Variants in DNAH9 observed in about 807,000 individuals in gnomAD.
The protein encoded by DNAH9 is dynein axonemal heavy chain 9, also known as DNAH9 variant protein.
DNAH9 carries 345 observed loss-of-function variants against 471.6 expected under a neutral mutation model. The ratio of observed to expected loss-of-function variants is 0.73; its 90% CI spans 0.67 to 0.80. The LOEUF (loss-of-function observed/expected upper bound fraction) is 0.80, where lower values mean the gene tolerates loss of function less well. DNAH9 is among the 30% of genes least tolerant of loss of function. The pLI is 0.00. For synonymous variants in DNAH9, 2,093 were observed against 2,123.6 expected (o/e 0.99, Z 0.40); for missense variants, 5,407 against 5,609.2 (o/e 0.96, Z 1.15).
chr17:11,622,011 G>A (rs1320505053), intron 6 of DNAH9, among the ~76,000 whole-genome samples: 1 of 151,960 alleles, frequency 6.6e-6, no homozygotes, highest in African/African-American at 2.4e-5. Context: ...ACTTGAACCC[G>A]GGAGGCAGAG....
intron 19 of DNAH9, among the ~76,000 whole-genome samples, chr17:11,682,210 C>T (rs1292437795): frequency 2.6e-5 from 4 of 151,948 alleles, no homozygotes; most frequent in African/African-American, 9.7e-5. Flanking sequence ...TGTCTCTTAA[C>T]ATACTCATCT....
intron 45 of DNAH9, among the ~76,000 whole-genome samples, chr17:11,818,110 C>G (rs1023019816): frequency 1.3e-5 from 2 of 152,198 alleles, no homozygotes; most frequent in Non-Finnish European, 2.9e-5. Context: ...AGACCACTCA[C>G]TTTGAGGACC....
intron 61 of DNAH9, among the ~76,000 whole-genome samples, chr17:11,910,305 T>C (rs962619650): frequency 3.3e-5 from 5 of 152,276 alleles, no homozygotes; most frequent in African/African-American, 7.2e-5. Context: ...TGAAATCATA[T>C]ACAATATGCT....
chr17:11,740,223 A>C (rs762109846), intron 29 of DNAH9, among the ~76,000 whole-genome samples: 1 of 152,208 alleles, frequency 6.6e-6, no homozygotes, highest in African/African-American at 2.4e-5. Context: ...GTAGGTGATC[A>C]CCCAGATAAG....
intron 22 of DNAH9, among the ~76,000 whole-genome samples, chr17:11,697,685 A>G (rs1041893199): frequency 2.0e-5 from 3 of 152,134 alleles, no homozygotes; most frequent in African/African-American, 7.2e-5. Context: ...CACTTTATAC[A>G]TGCTATATAC....
At chr17:11,880,279 T>G (rs936172429) in intron 54 of DNAH9, 79 bp downstream of exon 54, 4 of 1,543,002 alleles carry the variant, frequency 2.6e-6, no homozygotes, top group Non-Finnish European at 3.5e-6. Flanking sequence ...AGGTCTGCTC[T>G]TCCTAGAATT....
intron 27 of DNAH9, among the ~76,000 whole-genome samples, chr17:11,723,729 A>T (rs1430002114): frequency 6.6e-6 from 1 of 151,598 alleles, no homozygotes; most frequent in Non-Finnish European, 1.5e-5. Context: ...GTGCAGTGGC[A>T]CGATCTCAGC....
intron 67 of DNAH9, among the ~76,000 whole-genome samples, chr17:11,950,056 T>C (rs1175656401): frequency 1.3e-5 from 2 of 152,230 alleles, no homozygotes; most frequent in African/African-American, 4.8e-5. Flanking sequence ...ATTGCATATA[T>C]TTTTAAATTT....
intron 1 of DNAH9, among the ~76,000 whole-genome samples, chr17:11,606,407 G>T (rs568047586): frequency 4.2e-4 from 63 of 151,216 alleles, no homozygotes; most frequent in African/African-American, 1.5e-3. Context: ...CAAAGATTCC[G>T]GGTGAGTTTA....
intron 67 of DNAH9, among the ~76,000 whole-genome samples, chr17:11,950,940 C>T (rs969018021): frequency 2.0e-5 from 3 of 152,100 alleles, no homozygotes; most frequent in East Asian, 1.9e-4. Context: ...TCCAGTGTAC[C>T]GCCAGCAGTC....
At chr17:11,841,293 C>T (rs1177488610) in intron 49 of DNAH9, among the ~76,000 whole-genome samples, 1 of 152,062 alleles carries the variant, frequency 6.6e-6, no homozygotes, top group South Asian at 2.1e-4. Context: ...CACAGAGCCA[C>T]GAGAAAAATG....
intron 36 of DNAH9, among the ~76,000 whole-genome samples, chr17:11,766,269 C>T (rs528046434): frequency 6.7e-6 from 1 of 148,818 alleles, no homozygotes; most frequent in East Asian, 2.0e-4. Context: ...AGCAGAAATA[C>T]AAAATGGAGG....
At chr17:11,682,425 T>G (rs2074150730) in intron 19 of DNAH9, among the ~76,000 whole-genome samples, 1 of 151,992 alleles carries the variant, frequency 6.6e-6, no homozygotes, top group African/African-American at 2.4e-5. Flanking sequence ...GCACCTGTGT[T>G]CTGGGCAAAC....
intron 61 of DNAH9, among the ~76,000 whole-genome samples, chr17:11,907,737 G>A (rs370703308): frequency 2.0e-5 from 3 of 152,154 alleles, no homozygotes; most frequent in South Asian, 2.1e-4. Flanking sequence ...CCTAAAGAAC[G>A]AATAAGATGT....
At position 11,821,908 on chromosome 17, in the gene DNAH9, AT is replaced by A; in HGVS notation, c.8708-6del. 1 of 1,604,718 alleles carries A rather than the reference AT, an allele frequency of 6.2e-7. No individual in the cohort carries two copies. Among genetic ancestry groups the A allele is most frequent in the African/African-American group, 1.3e-5 (1 of 74,366 alleles). ...TGCCAAGGCTGCCTATCTGTGCTCC[AT>A]TTTTTCCCAGGGGAGATCCCAGATC... On this transcript the variant is annotated splice_polypyrimidine_tract_variant and intron_variant, in intron 45 of 68. Transcript: ENST00000262442.
At position 11,781,009 on chromosome 17, in the gene DNAH9, C is replaced by A. The variant is rs1968646240; in HGVS notation, c.7553C>A (p.Ala2518Asp). The A allele has an allele frequency of 2.5e-6, 4 of 1,613,326 alleles. No individual in the cohort carries two copies. Among genetic ancestry groups the A allele is most frequent in the Non-Finnish European group, 2.5e-6 (3 of 1,179,682 alleles). Residue 2518 changes from alanine (A) to aspartate (D), a missense_variant and splice_region_variant, in exon 39 of 69, where the codon GCT (alanine) becomes GAT (aspartate). Coordinates refer to ENST00000262442, the MANE Select transcript of DNAH9 (RefSeq NM_001372.4). ...NYYTTSAMLQ[A>D]VLEKPLEKKA... is the part of the protein sequence containing the mutation. ...CCTCACCGACTGGCTCTCTCCCCAG[C>A]TGTCCTGGAGAAGCCTCTGGAAAAG... is the stretch of plus-strand genomic sequence containing the variant.
At chr17:11,820,686 T>C (rs1008140214) in intron 45 of DNAH9, among the ~76,000 whole-genome samples, 4 of 152,196 alleles carry the variant, frequency 2.6e-5, no homozygotes, top group Non-Finnish European at 5.9e-5. Context: ...CATACTAAGA[T>C]TAACCACTTT....
intron 59 of DNAH9, among the ~76,000 whole-genome samples, chr17:11,896,391 G>T (rs1973220637): frequency 6.6e-6 from 1 of 152,212 alleles, no homozygotes; most frequent in East Asian, 1.9e-4. Flanking sequence ...GAATGGACAC[G>T]GCTGAGTTCC....
intron 43 of DNAH9, among the ~76,000 whole-genome samples, chr17:11,800,775 T>C (rs1382937135): frequency 6.6e-6 from 1 of 152,210 alleles, no homozygotes; most frequent in Non-Finnish European, 1.5e-5. Context: ...TCTGTTTGCA[T>C]CATCCACTCA....
Sources: gnomAD v4.1 joint callset for allele counts (sites outside exome capture counted in the v4.1 genomes callset) on GRCh38, gnomAD v4.1.1 for gene constraint, MANE v1.5 for transcripts, NCBI Gene and HGNC (gene_info 2026-07-23, HGNC 2026-07-21) for gene names.